The following ODAD2 variants were observed in gnomAD, a reference collection of about 807,000 sequenced individuals.
The protein encoded by ODAD2 is outer dynein arm-docking complex subunit 2.
Under a neutral mutation model 106.8 loss-of-function variants are expected in ODAD2, and 89 were observed. The ratio of observed to expected loss-of-function variants is 0.83; its 90% confidence interval spans 0.70 to 0.99. ODAD2 has a LOEUF of 0.99. Among genes scored for constraint, ODAD2 ranks in the 50% least tolerant of loss-of-function variants. The probability of loss-of-function intolerance (pLI) is 0.00; values close to 1 mark genes in which losing one functional copy is unlikely to be tolerated. For missense variants in ODAD2, 1,168 were observed against 1,238.5 expected, an observed-to-expected ratio of 0.94 and a Z score of 0.85; for synonymous variants, 404 against 436.2, an observed-to-expected ratio of 0.93 and a Z score of 0.92.
intron 16 of ODAD2, among the ~76,000 whole-genome samples, chr10:27,913,354 T>G (rs114544549): frequency 0.015 from 2,276 of 152,198 alleles, 62 homozygotes; most frequent in African/African-American, 0.052. Flanking sequence ...CAGTGTTTGC[T>G]TCCCACTGAT....
chr10:27,884,755 A>G (rs1244787563), intron 17 of ODAD2, among the ~76,000 whole-genome samples: 1 of 152,190 alleles, frequency 6.6e-6, no homozygotes, highest in Non-Finnish European at 1.5e-5. Context: ...TAAGATCCCA[A>G]GAAGAAGCTG....
At position 27,995,155 on chromosome 10, in the gene ODAD2, G is replaced by C. The variant is rs748565110; in HGVS notation, c.-13C>G. 1.2e-6 allele frequency: 2 copies of C among 1,614,022 alleles called. No individual in the cohort carries two copies. The highest frequency in any genetic ancestry group is 2.2e-5 in the East Asian group (1 of 44,862). ...GAGCCACACCCATGGGATCCACCGT[G>C]CTCAGACCTGAGCTTAGCACACGCA... On this transcript the variant is annotated 5_prime_UTR_variant, in exon 2 of 20. Transcript: ENST00000305242.
chr10:27,890,314 C>T (rs967038631), intron 17 of ODAD2, among the ~76,000 whole-genome samples: 1 of 152,102 alleles, frequency 6.6e-6, no homozygotes, highest in African/African-American at 2.4e-5. Context: ...CGACAGCATG[C>T]ATTGTTTGAT....
intron 19 of ODAD2, among the ~76,000 whole-genome samples, chr10:27,839,453 T>A (rs1838150902): frequency 6.6e-6 from 1 of 152,226 alleles, no homozygotes; most frequent in Non-Finnish European, 1.5e-5. Context: ...GGTGTTCACC[T>A]GTTGCTATGA....
At chr10:27,845,217 G>C (rs1974221) in intron 19 of ODAD2, among the ~76,000 whole-genome samples, 1 of 151,916 alleles carries the variant, frequency 6.6e-6, no homozygotes. Flanking sequence ...ACTAACAGAG[G>C]ATCTCTTGGC....
chr10:27,954,210 T>C (rs1223598731), intron 10 of ODAD2, among the ~76,000 whole-genome samples: 2 of 152,284 alleles, frequency 1.3e-5, no homozygotes. Flanking sequence ...CAAAGCAGCC[T>C]AGCACATTAT....
At chr10:27,939,868 C>T (rs371424025) in intron 14 of ODAD2, 29 bp downstream of exon 14, 404 of 1,442,716 alleles carry the variant, frequency 2.8e-4, no homozygotes, top group Non-Finnish European at 1.9e-4. Context: ...AGAAAGAACG[C>T]CAACAACCGC....
At chr10:27,943,638 T>C (rs1846616076) in intron 12 of ODAD2, among the ~76,000 whole-genome samples, 1 of 151,200 alleles carries the variant, frequency 6.6e-6, no homozygotes. Context: ...AATATAAAAA[T>C]TGGCCGGGCT....
intron 9 of ODAD2, among the ~76,000 whole-genome samples, chr10:27,965,166 A>T (rs958248376): frequency 2.2e-4 from 34 of 152,158 alleles, no homozygotes; most frequent in Admixed American, 5.9e-4. Context: ...TGTCAGTGAT[A>T]ATGGATCCAT....
intron 7 of ODAD2, among the ~76,000 whole-genome samples, chr10:27,978,517 G>T (rs1483502364): frequency 6.6e-6 from 1 of 152,158 alleles, no homozygotes; most frequent in East Asian, 1.9e-4. Flanking sequence ...CTGGAGCCGG[G>T]CATGGTGGCT....
intron 10 of ODAD2, among the ~76,000 whole-genome samples, chr10:27,958,562 C>T (rs972599804): frequency 6.6e-6 from 1 of 152,158 alleles, no homozygotes; most frequent in Admixed American, 6.5e-5. Flanking sequence ...TTAACTCACT[C>T]TACTTCCCCC....
chr10:27,950,645 G>T (rs573212238), intron 10 of ODAD2, among the ~76,000 whole-genome samples: 4 of 152,074 alleles, frequency 2.6e-5, no homozygotes, highest in African/African-American at 9.6e-5. Context: ...GGAGTGCAAC[G>T]GTGTGATCTC....
At chr10:27,872,223 C>G (rs980236574) in intron 17 of ODAD2, among the ~76,000 whole-genome samples, 6 of 152,082 alleles carry the variant, frequency 3.9e-5, no homozygotes, top group Non-Finnish European at 7.4e-5. Context: ...TGAGACTTTG[C>G]TGAAGTTGCT....
chr10:27,980,658 C>T (rs908553025), intron 7 of ODAD2, among the ~76,000 whole-genome samples: 1 of 152,156 alleles, frequency 6.6e-6, no homozygotes, highest in Middle Eastern at 3.4e-3. Flanking sequence ...TATAATTAAA[C>T]AACAACCTAG....
intron 10 of ODAD2, among the ~76,000 whole-genome samples, chr10:27,959,639 C>T (rs1291780379): frequency 6.6e-6 from 1 of 152,056 alleles, no homozygotes; most frequent in Non-Finnish European, 1.5e-5. Flanking sequence ...TCCAAATTCC[C>T]GACAGGTTAA....
chr10:27,872,992 T>C (rs1212769170), intron 17 of ODAD2, among the ~76,000 whole-genome samples: 2 of 152,136 alleles, frequency 1.3e-5, no homozygotes, highest in African/African-American at 4.8e-5. Context: ...ATCCTGGACT[T>C]ATTTTGGTTG....
rs568842952 is a variant in ODAD2, at chr10:27,858,636, CCTAA to C, written c.3021+1985_3021+1988del. ...TAAAGTTTCTCTTTACAGAAACTTT[CCTAA>C]CTGTGTGGGTGGGCCAAACACAGTT... On this transcript the variant is annotated intron_variant, in intron 19 of 19. Coordinates refer to ENST00000305242, the MANE Select transcript of ODAD2 (RefSeq NM_018076.5). Among the ~76,000 whole-genome samples, 24 of 93,262 alleles carry C rather than the reference CCTAA, an allele frequency of 2.6e-4. No individual in the cohort carries two copies. In the East Asian group the frequency reaches 5.2e-3, roughly 20 times the overall value. 61.2% of individuals were successfully genotyped at this position (93,262 alleles called of 152,430 possible). A position where few individuals can be genotyped will look rare whatever the true frequency, so the allele number is the denominator to read the frequency against.
chr10:27,950,628 G>A (rs1847265707), intron 10 of ODAD2, among the ~76,000 whole-genome samples: 1 of 151,992 alleles, frequency 6.6e-6, no homozygotes, highest in South Asian at 2.1e-4. Context: ...GCTCTGTCGT[G>A]CGGGCTGGAG....
chr10:27,868,418 T>C (rs1264336413), intron 17 of ODAD2, among the ~76,000 whole-genome samples: 4 of 152,138 alleles, frequency 2.6e-5, no homozygotes, highest in Non-Finnish European at 5.9e-5. Flanking sequence ...AGCAAAGCCA[T>C]GGAATCAACC....
Sources: gnomAD v4.1 joint callset for allele counts (sites outside exome capture counted in the v4.1 genomes callset) on GRCh38, gnomAD v4.1.1 for gene constraint, MANE v1.5 for transcripts, NCBI Gene and HGNC (gene_info 2026-07-23, HGNC 2026-07-21) for gene names.